Variants in ZNF680 observed in about 807,000 individuals in gnomAD.
The protein encoded by ZNF680 is zinc finger protein 680, also known as hypothetical protein FLJ90430.
A neutral mutation model predicts 12.1 loss-of-function variants in ZNF680; 6 were observed. That is an observed-to-expected ratio of 0.49 (90% confidence interval 0.27 to 0.98). The LOEUF is 0.98. ZNF680 is among the 50% of genes least tolerant of loss of function. The probability of loss-of-function intolerance (pLI) is 0.12; values close to 1 mark genes in which losing one functional copy is unlikely to be tolerated. For missense variants in ZNF680, 561 were observed against 616.3 expected, an observed-to-expected ratio of 0.91 and a Z score of 0.95; for synonymous variants, 170 against 199.3, an observed-to-expected ratio of 0.85 and a Z score of 1.24.
intron 3 of ZNF680, among the ~76,000 whole-genome samples, chr7:64,528,856 G>C (rs1055676988): frequency 6.6e-6 from 1 of 152,144 alleles, no homozygotes; most frequent in Admixed American, 6.5e-5. Context: ...TTCCCAGAAG[G>C]AGGCAAATCA....
At chr7:64,539,003 T>C (rs561634035) in intron 3 of ZNF680, among the ~76,000 whole-genome samples, 1 of 151,684 alleles carries the variant, frequency 6.6e-6, no homozygotes, top group Middle Eastern at 3.4e-3. Flanking sequence ...TGGTGGTGGG[T>C]GCCTGTAATC....
intron 1 of ZNF680, among the ~76,000 whole-genome samples, chr7:64,548,305 T>A (rs930134307): frequency 1.3e-5 from 2 of 152,254 alleles, no homozygotes; most frequent in African/African-American, 2.4e-5. Context: ...TGTTCATAAA[T>A]ATCCTTTCAG....
At chr7:64,499,628 C>T in the ZNF680 span, among the ~76,000 whole-genome samples, 2 of 152,104 alleles carry the variant, frequency 1.3e-5, no homozygotes, top group South Asian at 4.1e-4. Flanking sequence ...GTGGTGTGCG[C>T]GCCTGCTCGG....
At chr7:64,550,310 C>T (rs1787007675) in intron 1 of ZNF680, among the ~76,000 whole-genome samples, 1 of 152,170 alleles carries the variant, frequency 6.6e-6, no homozygotes, top group Non-Finnish European at 1.5e-5. Flanking sequence ...CTATAGTAAG[C>T]AGTTTTAAGA....
the ZNF680 span, among the ~76,000 whole-genome samples, chr7:64,508,939 G>A: frequency 6.6e-6 from 1 of 152,074 alleles, no homozygotes; most frequent in African/African-American, 2.4e-5. Context: ...GGGGACTTTG[G>A]GATTTCAGTC....
intron 1 of ZNF680, among the ~76,000 whole-genome samples, chr7:64,545,762 T>C (rs531934191): frequency 1.9e-4 from 29 of 152,288 alleles, no homozygotes; most frequent in African/African-American, 7.0e-4. Flanking sequence ...GGGTGATAAA[T>C]GCCATTCTGT....
chr7:64,516,750 T>G (rs956556166), downstream of ZNF680, among the ~76,000 whole-genome samples: 1 of 152,016 alleles, frequency 6.6e-6, no homozygotes, highest in African/African-American at 2.4e-5. Flanking sequence ...TTTAAGAAAA[T>G]TGAAATGATA....
chr7:64,522,298 T>G lies in ZNF680; in HGVS notation c.456A>C (p.Lys152Asn), dbSNP rs1213410334. 2.5e-6 allele frequency: 4 copies of G among 1,613,108 alleles called. No homozygotes were observed. The African/African-American group carries it at 5.3e-5, about 22-fold the overall frequency. The stretch of plus-strand genomic sequence containing the variant: ...TCACGTATTTATCACATTGAAATAT[T>G]TTGCTCTGGGTAGTTCTCAAACATT... ...LNQCLRTTQS[K>N]IFQCDKYVKV... is the part of the protein sequence containing the mutation. The change falls in exon 4 of 4, where the codon AAA becomes AAC. Residue 152 changes from lysine to asparagine, a missense_variant. Transcript: ENST00000309683.
chr7:64,554,796 C>A (rs1229489195), intron 1 of ZNF680, among the ~76,000 whole-genome samples: 1 of 152,036 alleles, frequency 6.6e-6, no homozygotes, highest in African/African-American at 2.4e-5. Context: ...GCGGCATACT[C>A]GTTAAGAGTC....
At chr7:64,552,311 C>T (rs1787123845) in intron 1 of ZNF680, among the ~76,000 whole-genome samples, 1 of 152,152 alleles carries the variant, frequency 6.6e-6, no homozygotes, top group African/African-American at 2.4e-5. Context: ...CGTTGGCCTC[C>T]CTAAGTGCTG....
the ZNF680 span, among the ~76,000 whole-genome samples, chr7:64,513,670 G>A: frequency 3.3e-5 from 5 of 151,314 alleles, 1 homozygote; most frequent in Admixed American, 2.0e-4. Flanking sequence ...TTTTAAGATA[G>A]ATTCTCGCTC....
intron 1 of ZNF680, among the ~76,000 whole-genome samples, chr7:64,555,405 T>C (rs1787355192): frequency 6.7e-6 from 1 of 149,114 alleles, no homozygotes; most frequent in African/African-American, 2.5e-5. Flanking sequence ...TGAGTCTAAA[T>C]GACTTTTGAG....
chr7:64,530,834 G>T (rs1171941925), intron 3 of ZNF680, among the ~76,000 whole-genome samples: 5 of 150,882 alleles, frequency 3.3e-5, no homozygotes, highest in Non-Finnish European at 7.4e-5. Context: ...CTCCAGCCTG[G>T]GCAACAGAGC....
At chr7:64,546,785 C>G (rs2116503575) in intron 1 of ZNF680, among the ~76,000 whole-genome samples, 1 of 152,162 alleles carries the variant, frequency 6.6e-6, no homozygotes, top group Non-Finnish European at 1.5e-5. Context: ...GTGCCCTCCC[C>G]AGGCACAGAC....
the ZNF680 span, among the ~76,000 whole-genome samples, chr7:64,504,222 A>G: frequency 1.4e-4 from 22 of 152,206 alleles, no homozygotes; most frequent in Middle Eastern, 0.014. Context: ...ACCCTCTTTC[A>G]CTATTTCAAT....
Position 64,521,423 on chromosome 7 carries a change from G to GTAAAGCCTTTGCCACATTC in ZNF680, c.1312_1330dup (p.Thr444ArgfsTer14). ...ATGGTTAGTAAGGGTTGAAAATAAA[G>GTAAAGCCTTTGCCACATTC]TAAAGCCTTTGCCACATTCTTCACA... On this transcript the variant is annotated frameshift_variant, in exon 4 of 4. Coordinates refer to ENST00000309683, the MANE Select transcript of ZNF680 (RefSeq NM_178558.5). LOFTEE classifies it low-confidence loss of function (END_TRUNC). 1 of 1,612,420 alleles carries GTAAAGCCTTTGCCACATTC rather than the reference G, an allele frequency of 6.2e-7. No homozygotes were observed. Among genetic ancestry groups the GTAAAGCCTTTGCCACATTC allele is most frequent in the Non-Finnish European group, 8.5e-7 (1 of 1,179,374 alleles).
At chr7:64,532,381 A>G (rs574341638) in intron 3 of ZNF680, among the ~76,000 whole-genome samples, 1,639 of 152,224 alleles carry the variant, frequency 0.011, 27 homozygotes, top group Middle Eastern at 0.014. Flanking sequence ...TACAACTGAT[A>G]CCACATTAAT....
At chr7:64,503,173 T>C in the ZNF680 span, among the ~76,000 whole-genome samples, 4 of 152,234 alleles carry the variant, frequency 2.6e-5, no homozygotes, top group African/African-American at 9.6e-5. Context: ...GTATTATATA[T>C]AGATGGATGC....
intron 1 of ZNF680, among the ~76,000 whole-genome samples, chr7:64,549,091 G>A (rs1401168550): frequency 6.6e-6 from 1 of 150,384 alleles, no homozygotes; most frequent in Non-Finnish European, 1.5e-5. Context: ...TTGCACTCCA[G>A]CCTGGGCAAT....
Sources: gnomAD v4.1 joint callset for allele counts (sites outside exome capture counted in the v4.1 genomes callset) on GRCh38, gnomAD v4.1.1 for gene constraint, MANE v1.5 for transcripts, NCBI Gene and HGNC (gene_info 2026-07-23, HGNC 2026-07-21) for gene names.